Variants in GPC5 observed in about 807,000 individuals in gnomAD.
GPC5 encodes glypican 5.
GPC5 carries 47 observed loss-of-function variants against 53.9 expected under a neutral mutation model. The ratio of observed to expected loss-of-function variants is 0.87; its 90% CI spans 0.69 to 1.11. The LOEUF is 1.11. GPC5 is among the 50% of genes most tolerant of loss of function. GPC5 has a pLI of 0.00. For missense variants in GPC5, 748 were observed against 713.1 expected, an observed-to-expected ratio of 1.05 and a Z score of -0.56; for synonymous variants, 286 against 263.3, an observed-to-expected ratio of 1.09 and a Z score of -0.84.
At chr13:92,111,199 A>G (rs545449636) in intron 6 of GPC5, among the ~76,000 whole-genome samples, 11 of 152,272 alleles carry the variant, frequency 7.2e-5, no homozygotes, top group African/African-American at 1.7e-4. Context: ...CATCCTTTAC[A>G]TGTGTCTGTC....
At chr13:91,619,867 A>C (rs1009814397) in intron 2 of GPC5, among the ~76,000 whole-genome samples, 1 of 152,062 alleles carries the variant, frequency 6.6e-6, no homozygotes, top group Non-Finnish European at 1.5e-5. Context: ...GTATGCACTT[A>C]ATATTTAGGG....
chr13:92,031,752 T>TATATTACATATATAATATATAA (rs1566403212), intron 6 of GPC5, among the ~76,000 whole-genome samples: 1 of 43,758 alleles, frequency 2.3e-5, no homozygotes, highest in African/African-American at 1.3e-4. Flanking sequence ...ATAATATATA[T>TATATTACATATATAATATATAA]TATATTACAT....
At chr13:92,367,985 G>A (rs2043619277) in intron 7 of GPC5, among the ~76,000 whole-genome samples, 1 of 152,092 alleles carries the variant, frequency 6.6e-6, no homozygotes, top group African/African-American at 2.4e-5. Context: ...GTCTGTGTGT[G>A]TGGCGGGGGC....
intron 7 of GPC5, among the ~76,000 whole-genome samples, chr13:92,257,515 T>C (rs1023684699): frequency 4.2e-4 from 63 of 150,076 alleles, no homozygotes; most frequent in African/African-American, 1.5e-3. Context: ...TTATAACCTT[T>C]CAGCTAGTGA....
At chr13:91,563,328 A>C (rs1328312911) in intron 2 of GPC5, among the ~76,000 whole-genome samples, 2 of 152,196 alleles carry the variant, frequency 1.3e-5, no homozygotes, top group Admixed American at 6.6e-5. Flanking sequence ...ACATATAAGA[A>C]AAAATAATAT....
At chr13:92,314,800 T>A (rs1011350746) in intron 7 of GPC5, among the ~76,000 whole-genome samples, 4 of 152,144 alleles carry the variant, frequency 2.6e-5, no homozygotes, top group Non-Finnish European at 5.9e-5. Context: ...AGAGACCTAG[T>A]CTTGCTCTGC....
chr13:92,716,753 C>G (rs553361215), intron 7 of GPC5, among the ~76,000 whole-genome samples: 1 of 152,080 alleles, frequency 6.6e-6, no homozygotes, highest in Non-Finnish European at 1.5e-5. Context: ...AAAAAATACT[C>G]CAAGATGAAC....
intron 6 of GPC5, among the ~76,000 whole-genome samples, chr13:92,059,065 CA>C (rs780016419): frequency 1.8e-4 from 28 of 152,206 alleles, no homozygotes; most frequent in Non-Finnish European, 3.4e-4. Context: ...AAGACTTGAC[CA>C]TTAGGATATG....
intron 7 of GPC5, among the ~76,000 whole-genome samples, chr13:92,800,399 A>C (rs1388430615): frequency 1.3e-5 from 2 of 151,762 alleles, no homozygotes; most frequent in Non-Finnish European, 2.9e-5. Context: ...CCCTAACTAC[A>C]CTGCATTTAA....
At chr13:91,823,317 G>T (rs1485948734) in intron 5 of GPC5, among the ~76,000 whole-genome samples, 1 of 152,038 alleles carries the variant, frequency 6.6e-6, no homozygotes, top group Non-Finnish European at 1.5e-5. Flanking sequence ...AGATTTAGAT[G>T]TTCATTCACC....
At chr13:92,798,551 C>G (rs539905925) in intron 7 of GPC5, among the ~76,000 whole-genome samples, 2 of 151,888 alleles carry the variant, frequency 1.3e-5, no homozygotes, top group Admixed American at 1.3e-4. Context: ...AGCAAATTTA[C>G]TTCTCAGGAT....
chr13:91,529,122 AC>A (rs1246254038), intron 2 of GPC5, among the ~76,000 whole-genome samples: 2 of 152,226 alleles, frequency 1.3e-5, no homozygotes, highest in Non-Finnish European at 2.9e-5. Context: ...GAGCAAAACT[AC>A]TTTTGGCTTC....
intron 7 of GPC5, among the ~76,000 whole-genome samples, chr13:92,452,816 G>T (rs1394785458): frequency 6.6e-6 from 1 of 152,116 alleles, no homozygotes; most frequent in Non-Finnish European, 1.5e-5. Flanking sequence ...CAATCCACCT[G>T]CCTCGGCCTC....
intron 5 of GPC5, among the ~76,000 whole-genome samples, chr13:91,798,889 A>AT (rs1167905265): frequency 1.3e-5 from 2 of 152,062 alleles, no homozygotes; most frequent in African/African-American, 4.8e-5. Flanking sequence ...TTGTTTCTGG[A>AT]TTTTTTAATA....
intron 7 of GPC5, among the ~76,000 whole-genome samples, chr13:92,641,078 A>C (rs1885580690): frequency 6.6e-6 from 1 of 152,170 alleles, no homozygotes; most frequent in African/African-American, 2.4e-5. Flanking sequence ...CTTTGGGAAG[A>C]GCTGGGTGAG....
chr13:91,527,057 T>G (rs558670005), intron 2 of GPC5, among the ~76,000 whole-genome samples: 3 of 152,332 alleles, frequency 2.0e-5, no homozygotes, highest in East Asian at 1.9e-4. Context: ...CATATCATTC[T>G]GCCCCTGGCC....
intron 6 of GPC5, among the ~76,000 whole-genome samples, chr13:92,091,511 A>G (rs1056803329): frequency 3.9e-5 from 6 of 152,068 alleles, no homozygotes; most frequent in African/African-American, 1.4e-4. Context: ...CATTTATTAT[A>G]CCATTTTAAT....
Position 92,689,468 on chromosome 13 carries a change from G to T in GPC5, c.1562-176814G>T, listed in dbSNP as rs369364984. On this transcript the variant is annotated intron_variant, in intron 7 of 7. Coordinates refer to ENST00000377067, the MANE Select transcript of GPC5 (RefSeq NM_004466.6). ...TTTGAGCCTATGTGTGTCTCTGCAC[G>T]TGAGATGGGTTTCCTGAATACAGCA... Among the ~76,000 whole-genome samples, 7 of 84,020 alleles carry T rather than the reference G, an allele frequency of 8.3e-5. No individual in the cohort carries two copies. In the East Asian group the frequency reaches 3.0e-3, roughly 36 times the overall value. 55.1% of individuals were successfully genotyped at this position (84,020 alleles called of 152,430 possible). A position where few individuals can be genotyped will look rare whatever the true frequency, so the allele number is the denominator to read the frequency against.
chr13:92,276,884 T>G (rs900414954), intron 7 of GPC5, among the ~76,000 whole-genome samples: 8 of 152,094 alleles, frequency 5.3e-5, no homozygotes, highest in African/African-American at 1.9e-4. Flanking sequence ...AGGAAAGAAT[T>G]TCAAATGATG....
Sources: allele counts gnomAD v4.1 joint callset (sites outside exome capture counted in the v4.1 genomes callset), GRCh38; gene constraint gnomAD v4.1.1; transcripts MANE v1.5; gene names NCBI Gene and HGNC (gene_info 2026-07-23, HGNC 2026-07-21).